NFIB: variants seen among roughly 807,000 people sequenced by gnomAD.
NFIB encodes nuclear factor I B, also known as nuclear factor 1 B-type.
NFIB carries 11 observed loss-of-function variants against 61.5 expected under a neutral mutation model. That is an observed-to-expected ratio of 0.18 (90% confidence interval 0.11 to 0.30). The LOEUF (loss-of-function observed/expected upper bound fraction) is 0.30, where lower values mean the gene tolerates loss of function less well. Among genes scored for constraint, NFIB ranks in the 10% least tolerant of loss-of-function variants. The probability of loss-of-function intolerance (pLI) is 1.00; values close to 1 mark genes in which losing one functional copy is unlikely to be tolerated. For synonymous variants in NFIB, 260 were observed against 216.5 expected, an observed-to-expected ratio of 1.20 and a Z score of -1.76; for missense variants, 471 against 608.9, an observed-to-expected ratio of 0.77 and a Z score of 2.38.
intron 6 of NFIB, among the ~76,000 whole-genome samples, chr9:14,134,897 C>CAAAAAAAAAAAACAAAA (rs2040840926): frequency 3.1e-5 from 2 of 64,336 alleles, no homozygotes; most frequent in African/African-American, 9.3e-5. Context: ...GACTCTGTCT[C>CAAAAAAAAAAAACAAAA]AAAAAAAAAA....
intron 6 of NFIB, among the ~76,000 whole-genome samples, chr9:14,138,551 TAA>T (rs977802271): frequency 6.8e-6 from 1 of 147,318 alleles, no homozygotes; most frequent in Admixed American, 6.8e-5. Flanking sequence ...TGTGATTATG[TAA>T]AAAAAAAAAG....
At chr9:14,455,659 TAAG>T in the NFIB span, among the ~76,000 whole-genome samples, 3 of 152,068 alleles carry the variant, frequency 2.0e-5, no homozygotes, top group African/African-American at 7.2e-5. Flanking sequence ...TAGAAACAGT[TAAG>T]AAGCTACTTC....
At chr9:14,471,316 C>T in the NFIB span, among the ~76,000 whole-genome samples, 1 of 152,280 alleles carries the variant, frequency 6.6e-6, no homozygotes, top group Non-Finnish European at 1.5e-5. Flanking sequence ...TTGCCTCCCC[C>T]CTGAGGTCAG....
the NFIB span, among the ~76,000 whole-genome samples, chr9:14,470,926 C>G: frequency 1.3e-5 from 2 of 152,032 alleles, no homozygotes; most frequent in African/African-American, 2.4e-5. Flanking sequence ...CTTTCCACTT[C>G]CAAGATAAAA....
chr9:14,474,673 C>T, the NFIB span, among the ~76,000 whole-genome samples: 1 of 152,132 alleles, frequency 6.6e-6, no homozygotes, highest in Admixed American at 6.5e-5. Context: ...ACCCGTTAAA[C>T]AAAACGAGTT....
chr9:14,328,122 A>G lies in NFIB; in HGVS notation c.109-20602T>C, dbSNP rs564220553. Among the ~76,000 whole-genome samples, 3 of 152,258 alleles carry G rather than the reference A, an allele frequency of 2.0e-5. No homozygotes were observed. The South Asian group carries it at 6.2e-4, about 32-fold the overall frequency. ...ACTGCCTCTGCTTTTTTCTCTTCAT[A>G]TCTGGCACCTTCTGAATTGCTCCCC... On this transcript the variant is annotated intron_variant, in intron 1 of 8. Coordinates refer to the NFIB transcript ENST00000380934.
At chr9:14,193,642 G>C (rs888379971) in intron 2 of NFIB, among the ~76,000 whole-genome samples, 1 of 152,104 alleles carries the variant, frequency 6.6e-6, no homozygotes, top group African/African-American at 2.4e-5. Flanking sequence ...ACACTCTATA[G>C]TGTTTTGCTA....
At chr9:14,460,072 T>C in the NFIB span, among the ~76,000 whole-genome samples, 2 of 152,164 alleles carry the variant, frequency 1.3e-5, no homozygotes, top group Non-Finnish European at 2.9e-5. Flanking sequence ...TGCACACGTA[T>C]GTTTATTGCA....
At chr9:14,315,607 C>A (rs1344075497), upstream of NFIB, among the ~76,000 whole-genome samples, 1 of 146,254 alleles carries the variant, frequency 6.8e-6, no homozygotes. Flanking sequence ...CTGAGCCGCT[C>A]GGCGCCCGCG....
chr9:14,202,838 C>CA (rs1192914433), intron 2 of NFIB, among the ~76,000 whole-genome samples: 3 of 152,156 alleles, frequency 2.0e-5, no homozygotes, highest in Non-Finnish European at 4.4e-5. Flanking sequence ...TTTACAACTC[C>CA]ATGAACTCTA....
the NFIB span, among the ~76,000 whole-genome samples, chr9:14,470,470 G>A: frequency 6.6e-6 from 1 of 152,096 alleles, no homozygotes; most frequent in Non-Finnish European, 1.5e-5. Context: ...AAGAGAATTT[G>A]AATTGTCCTA....
chr9:14,430,423 C>T, the NFIB span, among the ~76,000 whole-genome samples: 3 of 151,856 alleles, frequency 2.0e-5, no homozygotes, highest in Non-Finnish European at 2.9e-5. Flanking sequence ...TTTGAATAAA[C>T]GGATCCAGGG....
At chr9:14,443,051 C>G in the NFIB span, among the ~76,000 whole-genome samples, 8 of 121,646 alleles carry the variant, frequency 6.6e-5, no homozygotes, top group African/African-American at 2.5e-4. Context: ...CCCGCCATGA[C>G]TCTTCTGCCT....
chr9:14,344,416 G>GT (rs982111968), intron 1 of NFIB, among the ~76,000 whole-genome samples: 3 of 151,780 alleles, frequency 2.0e-5, no homozygotes. Flanking sequence ...TCAGAAGGGG[G>GT]GGGTAGAGGG....
chr9:14,429,235 A>G, the NFIB span, among the ~76,000 whole-genome samples: 4 of 152,226 alleles, frequency 2.6e-5, no homozygotes, highest in Non-Finnish European at 5.9e-5. Context: ...TGGAAAGGAA[A>G]GGAAGGGAAG....
the NFIB span, among the ~76,000 whole-genome samples, chr9:14,490,136 A>T: frequency 6.6e-6 from 1 of 152,164 alleles, no homozygotes; most frequent in African/African-American, 2.4e-5. Context: ...GCCAACAATA[A>T]CTATTGACCC....
upstream of NFIB, among the ~76,000 whole-genome samples, chr9:14,315,416 C>T (rs1460980855): frequency 6.7e-6 from 1 of 150,238 alleles, no homozygotes; most frequent in Non-Finnish European, 1.5e-5. Context: ...CTCTCCTCCT[C>T]CTCCTCCTGC....
chr9:14,309,645 T>A (rs1462644537), intron 1 of NFIB, among the ~76,000 whole-genome samples: 1 of 152,242 alleles, frequency 6.6e-6, no homozygotes, highest in Non-Finnish European at 1.5e-5. Flanking sequence ...CATCCCATGA[T>A]AAGACCTCCC....
At chr9:14,473,390 A>G in the NFIB span, among the ~76,000 whole-genome samples, 93 of 150,056 alleles carry the variant, frequency 6.2e-4, 2 homozygotes, top group East Asian at 0.017. Context: ...TTCAGAGAAG[A>G]AAGCCATGAA....
Sources: gnomAD v4.1 joint callset for allele counts (sites outside exome capture counted in the v4.1 genomes callset) on GRCh38, gnomAD v4.1.1 for gene constraint, MANE v1.5 for transcripts, NCBI Gene and HGNC (gene_info 2026-07-23, HGNC 2026-07-21) for gene names.